Variants in PALM2AKAP2 observed in about 807,000 individuals in gnomAD.
The protein encoded by PALM2AKAP2 is PALM2-AKAP2 fusion protein.
A neutral mutation model predicts 71.5 loss-of-function variants in PALM2AKAP2; 37 were observed. The ratio of observed to expected loss-of-function variants is 0.52; its 90% CI spans 0.40 to 0.68. PALM2AKAP2 has a LOEUF of 0.68. Among genes scored for constraint, PALM2AKAP2 ranks in the 30% least tolerant of loss-of-function variants. The pLI, the probability that PALM2AKAP2 is intolerant of heterozygous loss-of-function variation, is 0.00. For synonymous variants in PALM2AKAP2, 468 were observed against 478.8 expected, an observed-to-expected ratio of 0.98 and a Z score of 0.29; for missense variants, 1,224 against 1,191.8, an observed-to-expected ratio of 1.03 and a Z score of -0.40.
chr9:109,835,195 G>T (rs1828427261), intron 1 of PALM2AKAP2, among the ~76,000 whole-genome samples: 1 of 149,164 alleles, frequency 6.7e-6, no homozygotes, highest in South Asian at 2.2e-4. Context: ...AGGAGAGGGT[G>T]TAGGGAAAGA....
chr9:110,164,954 T>A (rs1836698917), intron 3 of PALM2AKAP2, among the ~76,000 whole-genome samples: 1 of 152,154 alleles, frequency 6.6e-6, no homozygotes, highest in African/African-American at 2.4e-5. Context: ...AGCCAGATAG[T>A]CTGGTGGCCT....
At chr9:110,002,130 A>G (rs562144370) in intron 6 of PALM2AKAP2, among the ~76,000 whole-genome samples, 12 of 152,332 alleles carry the variant, frequency 7.9e-5, no homozygotes, top group African/African-American at 2.6e-4. Context: ...TTGCCCATTC[A>G]GTATGATATT....
intron 1 of PALM2AKAP2, among the ~76,000 whole-genome samples, chr9:109,705,413 G>A (rs1385005928): frequency 1.3e-5 from 2 of 152,148 alleles, no homozygotes; most frequent in African/African-American, 2.4e-5. Flanking sequence ...CTGAAATTCT[G>A]TCTTCTCTTG....
chr9:109,854,914 G>A (rs910701575), intron 1 of PALM2AKAP2, among the ~76,000 whole-genome samples: 2 of 151,342 alleles, frequency 1.3e-5, no homozygotes, highest in Non-Finnish European at 2.9e-5. Flanking sequence ...GGGACTACAG[G>A]TGTGTGCCAC....
At chr9:110,010,542 T>C (rs1832862570) in intron 6 of PALM2AKAP2, among the ~76,000 whole-genome samples, 1 of 146,974 alleles carries the variant, frequency 6.8e-6, no homozygotes, top group South Asian at 2.1e-4. Flanking sequence ...TCTACATATA[T>C]AAATTCTATA....
At chr9:110,002,226 G>T (rs565825158) in intron 6 of PALM2AKAP2, among the ~76,000 whole-genome samples, 1 of 152,060 alleles carries the variant, frequency 6.6e-6, no homozygotes, top group African/African-American at 2.4e-5. Context: ...TAGCATGAAG[G>T]TTGTTGAATT....
chr9:109,761,468 A>G (rs1223508057), intron 1 of PALM2AKAP2, among the ~76,000 whole-genome samples: 3 of 152,096 alleles, frequency 2.0e-5, no homozygotes, highest in Non-Finnish European at 4.4e-5. Context: ...TCAACCTATC[A>G]TCTAGGTTTT....
At position 110,135,188 on chromosome 9, in the gene PALM2AKAP2, T is replaced by TATATATATATATAA. The variant is rs1484544851; in HGVS notation, c.157-938_157-937insTATATATATATAAA. ...AAATATATAAATATATATATATATATAAATCAGCCAGGGGTGATGGCACAC... is the reference window on the plus strand; with the variant it reads ...AAATATATAAATATATATATATATATATATATATATATAAAAATCAGCCAGGGGTGATGGCACAC... On this transcript the variant is annotated intron_variant, in intron 1 of 3. Transcript: ENST00000374525. Among the ~76,000 whole-genome samples, 79 of 93,504 alleles carry TATATATATATATAA rather than the reference T, an allele frequency of 8.4e-4. 2 individuals carry two copies. Among genetic ancestry groups the TATATATATATATAA allele is most frequent in the African/African-American group, 3.4e-3 (76 of 22,484 alleles). The allele number at this position is 93,504 out of a possible 152,430, so 61.3% of individuals were successfully genotyped here.
chr9:109,697,774 C>T (rs1827994063), intron 1 of PALM2AKAP2, among the ~76,000 whole-genome samples: 1 of 152,170 alleles, frequency 6.6e-6, no homozygotes, highest in Non-Finnish European at 1.5e-5. Context: ...TTAGTAAACA[C>T]TTCCCTTATA....
chr9:110,031,546 C>T (rs1032165338), intron 7 of PALM2AKAP2, among the ~76,000 whole-genome samples: 3 of 152,130 alleles, frequency 2.0e-5, no homozygotes, highest in African/African-American at 7.2e-5. Flanking sequence ...TCAGGTAGTG[C>T]TCTGGGTGTT....
intron 1 of PALM2AKAP2, among the ~76,000 whole-genome samples, chr9:109,641,305 G>T (rs1470840686): frequency 6.6e-6 from 1 of 152,224 alleles, no homozygotes; most frequent in Non-Finnish European, 1.5e-5. Context: ...AGTGTGAAGC[G>T]TGTAATGGAA....
At chr9:109,739,469 A>G (rs796147358) in intron 1 of PALM2AKAP2, among the ~76,000 whole-genome samples, 3 of 152,362 alleles carry the variant, frequency 2.0e-5, no homozygotes, top group African/African-American at 7.2e-5. Flanking sequence ...ATATAGGTGT[A>G]TAGATCACTG....
chr9:110,010,129 T>C (rs1832853400), intron 6 of PALM2AKAP2, among the ~76,000 whole-genome samples: 1 of 152,228 alleles, frequency 6.6e-6, no homozygotes, highest in African/African-American at 2.4e-5. Flanking sequence ...AAACTGTCCC[T>C]GATGGATATT....
At chr9:109,679,459 A>T (rs1160505630) in intron 1 of PALM2AKAP2, among the ~76,000 whole-genome samples, 1 of 152,072 alleles carries the variant, frequency 6.6e-6, no homozygotes, top group African/African-American at 2.4e-5. Flanking sequence ...TAAGAAGAGA[A>T]CCCATGTATA....
chr9:110,143,326 G>A (rs1836080867), intron 2 of PALM2AKAP2, among the ~76,000 whole-genome samples: 1 of 146,646 alleles, frequency 6.8e-6, no homozygotes, highest in African/African-American at 2.5e-5. Flanking sequence ...GGAAGCTGAG[G>A]CAAGAAGTTT....
intron 1 of PALM2AKAP2, among the ~76,000 whole-genome samples, chr9:109,820,577 A>T (rs532465525): frequency 6.6e-6 from 1 of 152,314 alleles, no homozygotes; most frequent in East Asian, 1.9e-4. Flanking sequence ...TTTCTTATTC[A>T]AGATGCCACC....
At chr9:110,154,403 A>G (rs906392023) in intron 2 of PALM2AKAP2, among the ~76,000 whole-genome samples, 4 of 152,328 alleles carry the variant, frequency 2.6e-5, no homozygotes, top group Admixed American at 2.6e-4. Flanking sequence ...TAAAAAGTCA[A>G]TCGGAATTTT....
intron 3 of PALM2AKAP2, among the ~76,000 whole-genome samples, chr9:109,883,927 A>G (rs1829909363): frequency 1.3e-5 from 2 of 152,210 alleles, no homozygotes; most frequent in South Asian, 4.1e-4. Flanking sequence ...AGGGCTGAGC[A>G]GAAACAAGGC....
intron 1 of PALM2AKAP2, among the ~76,000 whole-genome samples, chr9:110,092,920 C>T (rs1834748143): frequency 6.6e-6 from 1 of 152,156 alleles, no homozygotes; most frequent in African/African-American, 2.4e-5. Context: ...TCTCCTGCTC[C>T]TTATGACCCC....
Sources: gnomAD v4.1 joint callset for allele counts (sites outside exome capture counted in the v4.1 genomes callset) on GRCh38, gnomAD v4.1.1 for gene constraint, MANE v1.5 for transcripts, NCBI Gene and HGNC (gene_info 2026-07-23, HGNC 2026-07-21) for gene names.